COL24A1: variants seen among roughly 807,000 people sequenced by gnomAD.
COL24A1 encodes the protein collagen alpha-1(XXIV) chain.
Under a neutral mutation model 253.9 loss-of-function variants are expected in COL24A1, and 224 were observed. The observed-to-expected ratio is 0.88, with a 90% CI of 0.79 to 0.99. The LOEUF (loss-of-function observed/expected upper bound fraction) is 0.99. COL24A1 is among the 50% of genes least tolerant of loss of function. The probability of loss-of-function intolerance (pLI) is 0.00; values close to 1 mark genes in which losing one functional copy is unlikely to be tolerated. For missense variants in COL24A1, 2,131 were observed against 2,068.5 expected, an observed-to-expected ratio of 1.03 and a Z score of -0.59; for synonymous variants, 685 against 673.7, an observed-to-expected ratio of 1.02 and a Z score of -0.26.
At chr1:85,794,852 G>A (rs1670649911) in intron 47 of COL24A1, among the ~76,000 whole-genome samples, 1 of 152,106 alleles carries the variant, frequency 6.6e-6, no homozygotes, top group Non-Finnish European at 1.5e-5. Flanking sequence ...AATTATAAGA[G>A]TACATGGTGT....
At chr1:85,824,983 T>C (rs1222484810) in intron 43 of COL24A1, among the ~76,000 whole-genome samples, 2 of 151,616 alleles carry the variant, frequency 1.3e-5, no homozygotes, top group East Asian at 3.9e-4. Context: ...GCAGGTTAGT[T>C]ACATATGTAT....
intron 37 of COL24A1, among the ~76,000 whole-genome samples, chr1:85,866,771 C>T (rs1679844215): frequency 6.6e-6 from 1 of 151,970 alleles, no homozygotes; most frequent in East Asian, 1.9e-4. Context: ...GAGACTCTAT[C>T]TCATAAATAA....
intron 24 of COL24A1, among the ~76,000 whole-genome samples, chr1:85,917,777 G>A (rs1462233580): frequency 6.6e-6 from 1 of 151,964 alleles, no homozygotes; most frequent in Non-Finnish European, 1.5e-5. Flanking sequence ...TGTAACCTTT[G>A]CCTCCCAGGT....
At chr1:85,908,187 C>T (rs1474490064) in intron 27 of COL24A1, among the ~76,000 whole-genome samples, 1 of 151,758 alleles carries the variant, frequency 6.6e-6, no homozygotes, top group East Asian at 1.9e-4. Context: ...TTCAATACTA[C>T]AATTTTTGTT....
intron 18 of COL24A1, among the ~76,000 whole-genome samples, chr1:86,017,924 T>C (rs887017251): frequency 6.6e-6 from 1 of 152,142 alleles, no homozygotes; most frequent in Non-Finnish European, 1.5e-5. Flanking sequence ...AAGGATTCAG[T>C]TTCAGTATCT....
intron 19 of COL24A1, among the ~76,000 whole-genome samples, chr1:86,015,881 T>C (rs2101213490): frequency 7.4e-6 from 1 of 135,844 alleles, no homozygotes; most frequent in East Asian, 2.0e-4. Flanking sequence ...ACTCTACTTT[T>C]TCTTTTTTTT....
At chr1:86,056,183 T>C (rs905042675) in intron 10 of COL24A1, among the ~76,000 whole-genome samples, 2 of 151,988 alleles carry the variant, frequency 1.3e-5, no homozygotes, top group South Asian at 4.2e-4. Context: ...TCTTCTGGCT[T>C]CCCAAATCCA....
chr1:85,803,212 G>A (rs936767212), intron 47 of COL24A1, among the ~76,000 whole-genome samples: 3 of 152,054 alleles, frequency 2.0e-5, no homozygotes, highest in African/African-American at 7.2e-5. Context: ...CACTTTGGGA[G>A]GCTGAGATGG....
chr1:85,858,537 G>A (rs1001741119), intron 37 of COL24A1, among the ~76,000 whole-genome samples: 1 of 152,018 alleles, frequency 6.6e-6, no homozygotes, highest in African/African-American at 2.4e-5. Context: ...GCCTCAGGTA[G>A]TACTTCTGTG....
intron 19 of COL24A1, among the ~76,000 whole-genome samples, chr1:86,005,440 G>C (rs1271879708): frequency 6.6e-6 from 1 of 151,176 alleles, no homozygotes; most frequent in East Asian, 1.9e-4. Context: ...AACTGAAAAA[G>C]CTCTCCCACT....
intron 24 of COL24A1, among the ~76,000 whole-genome samples, chr1:85,949,253 G>C (rs1469453587): frequency 1.3e-5 from 2 of 152,096 alleles, no homozygotes; most frequent in African/African-American, 2.4e-5. Context: ...TAAATAGGAA[G>C]GGAAACACAG....
intron 37 of COL24A1, among the ~76,000 whole-genome samples, chr1:85,862,216 C>A (rs530259729): frequency 4.0e-4 from 61 of 152,244 alleles, no homozygotes; most frequent in Non-Finnish European, 7.4e-5. Context: ...ATTTGAGGAT[C>A]AGGAAACTTG....
At chr1:85,877,591 G>A (rs1328345239) in intron 32 of COL24A1, among the ~76,000 whole-genome samples, 1 of 152,180 alleles carries the variant, frequency 6.6e-6, no homozygotes, top group Non-Finnish European at 1.5e-5. Flanking sequence ...ATGAACTCCT[G>A]ACCTCAGGTG....
intron 20 of COL24A1, among the ~76,000 whole-genome samples, chr1:85,980,370 G>T (rs1223337153): frequency 6.6e-6 from 1 of 151,942 alleles, no homozygotes; most frequent in African/African-American, 2.4e-5. Flanking sequence ...TAAAGAATCG[G>T]TAAAGAGGAA....
intron 37 of COL24A1, among the ~76,000 whole-genome samples, chr1:85,865,503 T>A (rs950911885): frequency 1.3e-5 from 2 of 152,102 alleles, no homozygotes; most frequent in Admixed American, 6.6e-5. Flanking sequence ...GCAGATGAAA[T>A]CTGTGTTTAT....
intron 7 of COL24A1, among the ~76,000 whole-genome samples, chr1:86,077,043 G>C (rs1327263555): frequency 6.6e-6 from 1 of 152,194 alleles, no homozygotes; most frequent in South Asian, 2.1e-4. Context: ...ACTATCATCA[G>C]AGTGAACAGG....
At chr1:86,039,459 A>C (rs1360625345) in intron 12 of COL24A1, among the ~76,000 whole-genome samples, 4 of 152,194 alleles carry the variant, frequency 2.6e-5, no homozygotes, top group Non-Finnish European at 5.9e-5. Flanking sequence ...TAAGAGGACC[A>C]AGATAACCAT....
chr1:85,893,129 A>C (rs1485690467), intron 31 of COL24A1, among the ~76,000 whole-genome samples: 1 of 152,138 alleles, frequency 6.6e-6, no homozygotes, highest in African/African-American at 2.4e-5. Flanking sequence ...ATCAAGACAC[A>C]GATAGGTTGA....
intron 32 of COL24A1, among the ~76,000 whole-genome samples, chr1:85,880,916 T>C (rs1681764001): frequency 6.6e-6 from 1 of 152,242 alleles, no homozygotes; most frequent in Non-Finnish European, 1.5e-5. Flanking sequence ...CATTGTTTGA[T>C]TCAATTTGCT....
Sources: allele counts gnomAD v4.1 joint callset (sites outside exome capture counted in the v4.1 genomes callset), GRCh38; gene constraint gnomAD v4.1.1; transcripts MANE v1.5; gene names NCBI Gene and HGNC (gene_info 2026-07-23, HGNC 2026-07-21).